EYA1: variants seen among roughly 807,000 people sequenced by gnomAD.
EYA1 encodes the protein protein phosphatase EYA1.
In EYA1, 16 loss-of-function variants were observed where a neutral mutation model predicts 82.0. The ratio of observed to expected loss-of-function variants is 0.20; its 90% CI spans 0.13 to 0.30. The LOEUF (loss-of-function observed/expected upper bound fraction) is 0.30, where lower values mean the gene tolerates loss of function less well. EYA1 is among the 10% of genes least tolerant of loss of function. The pLI is 1.00. For synonymous variants in EYA1, 261 were observed against 264.4 expected (o/e 0.99, Z 0.12); for missense variants, 633 against 730.7 (o/e 0.87, Z 1.54).
chr8:71,309,695 T>G (rs1324908402), intron 7 of EYA1, among the ~76,000 whole-genome samples: 1 of 152,172 alleles, frequency 6.6e-6, no homozygotes, highest in Non-Finnish European at 1.5e-5. Flanking sequence ...AGGCGTACAT[T>G]TGAAAAGCTA....
chr8:71,368,057 T>G (rs1827858698), intron 2 of EYA1, among the ~76,000 whole-genome samples: 1 of 152,326 alleles, frequency 6.6e-6, no homozygotes, highest in South Asian at 2.1e-4. Context: ...GATATAAACC[T>G]GAAAAGTATC....
At chr8:71,215,822 C>T in intron 14 of EYA1, 94 bp from the exon 15 acceptor site, 1 of 780,324 alleles carries the variant, frequency 1.3e-6, no homozygotes, top group Non-Finnish European at 2.2e-6. Flanking sequence ...CTATGAATAC[C>T]AGCCTCCAGA....
intron 2 of EYA1, among the ~76,000 whole-genome samples, chr8:71,408,647 G>T (rs1440979293): frequency 2.2e-5 from 2 of 92,238 alleles, no homozygotes. Flanking sequence ...TAATGGTAAA[G>T]GGATCAATTC....
chr8:71,362,214 G>T (rs958645812), upstream of EYA1: 1 of 816,080 alleles, frequency 1.2e-6, no homozygotes, highest in African/African-American at 2.7e-5. Flanking sequence ...CTATTCTCTT[G>T]TCCTAACCTT....
intron 14 of EYA1, 26 bp downstream of exon 14, chr8:71,216,666 C>A (rs752675418): frequency 6.2e-7 from 1 of 1,612,202 alleles, no homozygotes; most frequent in South Asian, 1.1e-5. Context: ...TCTTAACTTG[C>A]TGAGGTACTG....
At chr8:71,546,658 C>T (rs533323646) in intron 1 of EYA1, among the ~76,000 whole-genome samples, 9 of 152,200 alleles carry the variant, frequency 5.9e-5, no homozygotes, top group South Asian at 2.1e-4. Context: ...CCAGCCACCA[C>T]GCCTGGCTAA....
intron 2 of EYA1, among the ~76,000 whole-genome samples, chr8:71,490,369 C>A (rs964992380): frequency 1.3e-5 from 2 of 152,184 alleles, no homozygotes; most frequent in Non-Finnish European, 2.9e-5. Flanking sequence ...TGGGGTATTG[C>A]ATGCTGAAAT....
rs569433398 is a variant in EYA1 at position 71,332,486 on chromosome 8, T to G, written c.202+1611A>C. ...ATTGGTCACTGCCCACTATAAATTC[T>G]ACTTCGTAAATGAAATGCACCAAAT... On this transcript the variant is annotated intron_variant, in intron 4 of 17. Coordinates refer to ENST00000340726, the MANE Select transcript of EYA1 (RefSeq NM_000503.6). Among the ~76,000 whole-genome samples, 92 of 152,322 alleles carry G rather than the reference T, an allele frequency of 6.0e-4. 1 individual carries two copies. Among genetic ancestry groups the G allele is most frequent in the African/African-American group, 2.1e-3 (86 of 41,576 alleles).
At chr8:71,506,026 C>T (rs1812168835) in intron 2 of EYA1, among the ~76,000 whole-genome samples, 1 of 152,150 alleles carries the variant, frequency 6.6e-6, no homozygotes, top group Non-Finnish European at 1.5e-5. Context: ...TACCTGCTTC[C>T]CCTTCTGCCA....
At chr8:71,359,370 C>T (rs1827176642) in intron 1 of EYA1, among the ~76,000 whole-genome samples, 1 of 152,162 alleles carries the variant, frequency 6.6e-6, no homozygotes, top group African/African-American at 2.4e-5. Flanking sequence ...TAATACCATG[C>T]TCTTCAACCC....
intron 2 of EYA1, among the ~76,000 whole-genome samples, chr8:71,511,256 T>C (rs2129252360): frequency 6.6e-6 from 1 of 152,332 alleles, no homozygotes; most frequent in South Asian, 2.1e-4. Context: ...CTATATTTTC[T>C]GAGTACCTGT....
chr8:71,274,911 C>CGA (rs1031237098), intron 9 of EYA1, among the ~76,000 whole-genome samples: 4 of 101,764 alleles, frequency 3.9e-5, no homozygotes, highest in African/African-American at 7.8e-5. Context: ...AGTGAGCGAG[C>CGA]GAGAGAGAGA....
intron 2 of EYA1, among the ~76,000 whole-genome samples, chr8:71,382,779 A>G (rs972958452): frequency 1.3e-5 from 2 of 152,074 alleles, no homozygotes; most frequent in African/African-American, 4.8e-5. Context: ...TCCTGCTTCA[A>G]TCTGTGTGTT....
chr8:71,248,071 C>T (rs997001147), intron 11 of EYA1, among the ~76,000 whole-genome samples: 5 of 152,144 alleles, frequency 3.3e-5, no homozygotes, highest in Admixed American at 1.3e-4. Context: ...TCATAAATTA[C>T]AGTAATGACT....
At chr8:71,391,372 A>G (rs1829273209) in intron 2 of EYA1, among the ~76,000 whole-genome samples, 1 of 152,178 alleles carries the variant, frequency 6.6e-6, no homozygotes, top group Admixed American at 6.5e-5. Context: ...TCTTTCTAGC[A>G]ACTAGCATAG....
At chr8:71,369,952 A>T (rs1312475919) in intron 2 of EYA1, among the ~76,000 whole-genome samples, 4 of 152,114 alleles carry the variant, frequency 2.6e-5, no homozygotes, top group Admixed American at 2.6e-4. Context: ...GTCCTTAAAA[A>T]CTGTGCTAGG....
At chr8:71,287,251 C>T (rs1818489796) in intron 9 of EYA1, among the ~76,000 whole-genome samples, 1 of 152,106 alleles carries the variant, frequency 6.6e-6, no homozygotes, top group East Asian at 1.9e-4. Flanking sequence ...ATTTTGTTTT[C>T]AGTCATAGAA....
intron 3 of EYA1, among the ~76,000 whole-genome samples, chr8:71,349,341 T>C (rs1826078604): frequency 6.6e-6 from 1 of 152,202 alleles, no homozygotes; most frequent in African/African-American, 2.4e-5. Flanking sequence ...AAGGCACCAA[T>C]GTGGCAATGA....
At chr8:71,456,862 T>C (rs1807966421) in intron 2 of EYA1, among the ~76,000 whole-genome samples, 1 of 152,192 alleles carries the variant, frequency 6.6e-6, no homozygotes, top group Non-Finnish European at 1.5e-5. Context: ...AAGGACTTCA[T>C]GTCTAAAACA....
Sources: allele counts gnomAD v4.1 joint callset (sites outside exome capture counted in the v4.1 genomes callset), GRCh38; gene constraint gnomAD v4.1.1; transcripts MANE v1.5; gene names NCBI Gene and HGNC (gene_info 2026-07-23, HGNC 2026-07-21).